PTP4A2: variants seen among roughly 807,000 people sequenced by gnomAD.
The protein encoded by PTP4A2 is protein tyrosine phosphatase 4A2.
In PTP4A2, 2 loss-of-function variants were observed where a neutral mutation model predicts 22.9. The observed-to-expected ratio is 0.09, with a 90% CI of 0.04 to 0.27. The LOEUF is 0.27. PTP4A2 is among the 10% of genes least tolerant of loss of function. The pLI is 1.00. For synonymous variants in PTP4A2, 68 were observed against 69.1 expected, an observed-to-expected ratio of 0.98 and a Z score of 0.08; for missense variants, 103 against 205.1, an observed-to-expected ratio of 0.50 and a Z score of 3.04.
At chr1:31,917,842 C>T (rs55745741) in intron 2 of PTP4A2, among the ~76,000 whole-genome samples, 276 of 150,118 alleles carry the variant, frequency 1.8e-3, no homozygotes, top group Non-Finnish European at 2.9e-3. Flanking sequence ...GGTGTGGTGG[C>T]GCGCGCCTGT....
chr1:31,922,701 T>C (rs1652241892), intron 1 of PTP4A2, among the ~76,000 whole-genome samples: 1 of 151,762 alleles, frequency 6.6e-6, no homozygotes, highest in South Asian at 2.1e-4. Flanking sequence ...CGATCATGGC[T>C]CACCGCAGCC....
At chr1:31,921,535 T>C (rs891983715) in intron 1 of PTP4A2, 1 of 152,218 alleles carries the variant, frequency 6.6e-6, no homozygotes, top group Non-Finnish European at 1.5e-5. Flanking sequence ...TTTATTATTA[T>C]TTTTAGGCCT....
At chr1:31,918,372 A>AC (rs1651966836) in intron 2 of PTP4A2, among the ~76,000 whole-genome samples, 1 of 152,158 alleles carries the variant, frequency 6.6e-6, no homozygotes, top group Non-Finnish European at 1.5e-5. Context: ...CCTTTCCTTC[A>AC]CCCAAGTTTC....
intron 1 of PTP4A2, among the ~76,000 whole-genome samples, chr1:31,931,957 A>G (rs1652744104): frequency 6.6e-6 from 1 of 152,230 alleles, no homozygotes; most frequent in African/African-American, 2.4e-5. Context: ...ACAAATATCA[A>G]CATTTGTATA....
chr1:31,937,036 T>G (rs1366329216), intron 1 of PTP4A2, among the ~76,000 whole-genome samples: 3 of 152,150 alleles, frequency 2.0e-5, no homozygotes, highest in Non-Finnish European at 2.9e-5. Flanking sequence ...AAAATACTCT[T>G]CACCTGAAAA....
At chr1:31,925,776 A>T (rs962051989) in intron 1 of PTP4A2, among the ~76,000 whole-genome samples, 2 of 151,130 alleles carry the variant, frequency 1.3e-5, no homozygotes, top group African/African-American at 4.9e-5. Context: ...AAAAAAGGTG[A>T]ATTTAGAAGT....
At chr1:31,911,643 C>A in intron 4 of PTP4A2, 53 bp downstream of exon 4, 1 of 1,477,066 alleles carries the variant, frequency 6.8e-7, no homozygotes, top group Non-Finnish European at 9.0e-7. Flanking sequence ...TTTCAACTAA[C>A]TTAGGCATGG....
At chr1:31,926,518 T>G (rs924529565) in intron 1 of PTP4A2, among the ~76,000 whole-genome samples, 1 of 152,218 alleles carries the variant, frequency 6.6e-6, no homozygotes, top group Non-Finnish European at 1.5e-5. Flanking sequence ...AACATTTTTT[T>G]CCTAAAGCAA....
chr1:31,927,230 T>G (rs1333946198), intron 1 of PTP4A2, among the ~76,000 whole-genome samples: 1 of 152,234 alleles, frequency 6.6e-6, no homozygotes, highest in East Asian at 1.9e-4. Context: ...GAGGCCATTA[T>G]CCTAAGCGAA....
Position 31,925,177 on chromosome 1 carries a change from T to C in PTP4A2, c.-593-5519A>G, listed in dbSNP as rs185569665. On this transcript the variant is annotated intron_variant, in intron 1 of 5. Coordinates refer to ENST00000647444, the MANE Select transcript of PTP4A2 (RefSeq NM_080391.4). ...GGTCAACAGCACGATTTACTACATC[T>C]TAACATATACCTTTTGAACTGTTTT... Among the ~76,000 whole-genome samples the C allele has an allele frequency of 2.2e-3, 335 of 152,324 alleles. 1 individual carries two copies. In the South Asian group the frequency reaches 0.024, roughly 11 times the overall value.
chr1:31,936,020 C>T (rs1293720721), intron 1 of PTP4A2, among the ~76,000 whole-genome samples: 1 of 150,758 alleles, frequency 6.6e-6, no homozygotes, highest in Non-Finnish European at 1.5e-5. Context: ...AACTCCTGGG[C>T]TCAAGCGATC....
At chr1:31,930,821 G>A (rs1276953607) in intron 1 of PTP4A2, 1 of 152,056 alleles carries the variant, frequency 6.6e-6, no homozygotes, top group Non-Finnish European at 1.5e-5. Flanking sequence ...GTAACATTAC[G>A]ATCTTTAAAA....
rs1440738713 is a variant in PTP4A2 at position 31,908,112 on chromosome 1, AAATATATATATATATATATATATTATAT to A, written c.*712_*739del. ...CAGTAAAGACTAAAAACCACCTGGA[AAATATATATATATATATATATATTATAT>A]TATATATATATATATATATATATAT... On this transcript the variant is annotated 3_prime_UTR_variant, in exon 6 of 6. Transcript: ENST00000647444. 3.7e-4 allele frequency: 7 copies of A among 18,738 alleles called. No homozygotes were observed. The highest frequency in any genetic ancestry group is 2.9e-3 in the African/African-American group (6 of 2,052). The allele number at this position is 18,738 out of a possible 1,614,324, so 1.2% of individuals were successfully genotyped here. A position where few individuals can be genotyped will look rare whatever the true frequency, so the allele number is the denominator to read the frequency against.
intron 4 of PTP4A2, chr1:31,911,425 AT>A (rs1651528894): frequency 3.7e-6 from 1 of 273,590 alleles, no homozygotes; most frequent in South Asian, 1.3e-4. Context: ...TTTGTTGCCA[AT>A]TTCAGTGACC....
At chr1:31,928,005 G>A (rs1569636986) in intron 1 of PTP4A2, among the ~76,000 whole-genome samples, 1 of 151,824 alleles carries the variant, frequency 6.6e-6, no homozygotes, top group African/African-American at 2.4e-5. Flanking sequence ...GTCTCAAACT[G>A]AAAATTTATT....
At chr1:31,934,380 C>T (rs1485415981) in intron 1 of PTP4A2, among the ~76,000 whole-genome samples, 2 of 152,222 alleles carry the variant, frequency 1.3e-5, no homozygotes, top group Non-Finnish European at 1.5e-5. Flanking sequence ...ATCAACCAAA[C>T]TTAGTTTCAC....
rs759098850 is a variant in PTP4A2 at position 31,915,966 on chromosome 1, T to C, written c.118A>G (p.Thr40Ala). Residue 40 changes from threonine to alanine, a missense_variant, in exon 3 of 6, where the codon ACG becomes GCG. Physicochemically the swap from Thr to Ala is moderately conservative, Grantham distance 58. Around this residue, in one of 3 missense-constraint regions of PTP4A2, gnomAD observed 66 missense variants for 113.0 expected, o/e 0.58. Coordinates refer to ENST00000647444, the MANE Select transcript of PTP4A2 (RefSeq NM_080391.4). Reference protein sequence around the residue: ...FTEELKKYGVTTLVRVCDATY... With the variant: ...FTEELKKYGVATLVRVCDATY... ...GCATCACAAACTCGAACCAAAGTCG[T>C]CACTCCATACTTCTTAAGTTCCTTT... 3.1e-6 allele frequency: 5 copies of C among 1,603,334 alleles called. No homozygotes were observed. Among genetic ancestry groups the C allele is most frequent in the Non-Finnish European group, 1.7e-6 (2 of 1,174,844 alleles).
chr1:31,918,056 T>C (rs148585197), intron 2 of PTP4A2, among the ~76,000 whole-genome samples: 4 of 151,750 alleles, frequency 2.6e-5, no homozygotes, highest in Non-Finnish European at 1.5e-5. Flanking sequence ...AAGACCATCC[T>C]GGCTAACATG....
Position 31,930,120 on chromosome 1 carries a change from C to T in PTP4A2, c.-594+7867G>A, listed in dbSNP as rs900643249. On this transcript the variant is annotated intron_variant, in intron 1 of 5. Coordinates refer to ENST00000647444, the MANE Select transcript of PTP4A2 (RefSeq NM_080391.4). Reference sequence around the variant, plus strand: ...TTGGGAGGCCAAGGCGGGCGGATCACGAGGTCAGCAGATCGAGACCATCCT... The same window carrying T: ...TTGGGAGGCCAAGGCGGGCGGATCATGAGGTCAGCAGATCGAGACCATCCT... 2.8e-4 allele frequency among the ~76,000 whole-genome samples: 43 copies of T among 152,136 alleles called. 1 individual carries two copies. The highest frequency in any genetic ancestry group is 2.7e-3 in the Admixed American group (41 of 15,280).
Sources: gnomAD v4.1 joint callset for allele counts (sites outside exome capture counted in the v4.1 genomes callset) on GRCh38, gnomAD v4.1.1 for gene constraint, gnomAD v4.1.1 regional missense constraint, MANE v1.5 for transcripts, NCBI Gene and HGNC (gene_info 2026-07-23, HGNC 2026-07-21) for gene names.